Variants in ZBTB20 observed in about 807,000 individuals in gnomAD.
The protein encoded by ZBTB20 is zinc finger and BTB domain containing 20.
In ZBTB20, 9 loss-of-function variants were observed where a neutral mutation model predicts 56.9. The ratio of observed to expected loss-of-function variants is 0.16; its 90% CI spans 0.10 to 0.28. ZBTB20 has a LOEUF of 0.28. Ranked by LOEUF, ZBTB20 falls within the 10% of genes least tolerant of loss-of-function variation. The pLI, the probability that ZBTB20 is intolerant of heterozygous loss-of-function variation, is 1.00. For missense variants in ZBTB20, 655 were observed against 1,003.0 expected (o/e 0.65, Z 4.69); for synonymous variants, 417 against 420.7 (o/e 0.99, Z 0.11).
chr3:114,429,403 C>A (rs962755368), intron 7 of ZBTB20, among the ~76,000 whole-genome samples: 1 of 152,140 alleles, frequency 6.6e-6, no homozygotes, highest in Non-Finnish European at 1.5e-5. Flanking sequence ...GTTTCTGGTA[C>A]CCCACATCTA....
chr3:114,580,154 T>C (rs1379748419), intron 6 of ZBTB20, among the ~76,000 whole-genome samples: 1 of 151,606 alleles, frequency 6.6e-6, no homozygotes, highest in Non-Finnish European at 1.5e-5. Context: ...GATTAAAAAA[T>C]ACACCAAGAG....
chr3:115,015,591 C>G (rs1490791756), intron 2 of ZBTB20, among the ~76,000 whole-genome samples: 1 of 151,762 alleles, frequency 6.6e-6, no homozygotes, highest in African/African-American at 2.4e-5. Context: ...GTTCCTCTAT[C>G]AGTTTGCTGA....
At chr3:114,765,028 T>C (rs530907236) in intron 5 of ZBTB20, among the ~76,000 whole-genome samples, 2 of 152,216 alleles carry the variant, frequency 1.3e-5, no homozygotes, top group African/African-American at 4.8e-5. Flanking sequence ...GAAAGTACAA[T>C]GATATCTGTA....
At chr3:114,645,630 C>T (rs2059795109) in intron 6 of ZBTB20, among the ~76,000 whole-genome samples, 2 of 152,040 alleles carry the variant, frequency 1.3e-5, no homozygotes, top group South Asian at 2.1e-4. Flanking sequence ...GGATTTTTCC[C>T]CCAGTGCCTC....
At chr3:115,085,908 A>C (rs2082968454) in intron 1 of ZBTB20, among the ~76,000 whole-genome samples, 2 of 151,922 alleles carry the variant, frequency 1.3e-5, no homozygotes, top group Non-Finnish European at 2.9e-5. Context: ...CAATTAATGT[A>C]ATCCCATCTC....
chr3:114,399,774 T>C (rs2086658001), intron 7 of ZBTB20, among the ~76,000 whole-genome samples: 1 of 152,004 alleles, frequency 6.6e-6, no homozygotes, highest in Admixed American at 6.6e-5. Flanking sequence ...AATAAATAGT[T>C]TACTTTTATG....
At chr3:114,488,494 G>A (rs2109466823) in intron 7 of ZBTB20, among the ~76,000 whole-genome samples, 1 of 152,120 alleles carries the variant, frequency 6.6e-6, no homozygotes, top group South Asian at 2.1e-4. Context: ...TTTTTAAAAA[G>A]TTTTCAGGCT....
chr3:114,444,823 A>T (rs1442851977), intron 7 of ZBTB20, among the ~76,000 whole-genome samples: 1 of 152,140 alleles, frequency 6.6e-6, no homozygotes, highest in Non-Finnish European at 1.5e-5. Flanking sequence ...TAGTACCATT[A>T]GTCCAGATAA....
At chr3:114,459,081 G>A (rs2092196138) in intron 7 of ZBTB20, among the ~76,000 whole-genome samples, 1 of 152,134 alleles carries the variant, frequency 6.6e-6, no homozygotes, top group African/African-American at 2.4e-5. Flanking sequence ...ATGCAGGAAG[G>A]TTTCTAGATC....
intron 1 of ZBTB20, among the ~76,000 whole-genome samples, chr3:115,132,758 C>T (rs529340628): frequency 2.0e-5 from 3 of 151,890 alleles, no homozygotes; most frequent in African/African-American, 7.2e-5. Flanking sequence ...AAGTGAGATC[C>T]TGTCTCAAAA....
In ZBTB20 at chr3:114,350,792, C is replaced by T; in HGVS notation, c.1286G>A (p.Gly429Asp). Residue 429 changes from glycine (G) to aspartate (D), a missense_variant, in exon 11 of 12, where the codon GGT becomes GAT. By Grantham distance (94) the Gly-to-Asp change is moderately conservative (BLOSUM62 -1). This residue lies in a region of ZBTB20 where 156 missense variants were observed against 181.0 expected (regional missense o/e 0.86). Coordinates refer to ENST00000675478, the MANE Select transcript of ZBTB20 (RefSeq NM_001348800.3). The part of the protein sequence containing the change: ...GGPQTNQLET[G>D]ASSPERSNEV... ...ATTGCTTCTCTCCGGAGAGGAAGCA[C>T]CTGTTTCTAGCTGGTTTGTCTGCGG... The T allele has an allele frequency of 6.2e-7, 1 of 1,614,070 alleles. No homozygotes were observed. The highest frequency in any genetic ancestry group is 8.5e-7 in the Non-Finnish European group (1 of 1,180,014).
intron 4 of ZBTB20, among the ~76,000 whole-genome samples, chr3:114,851,675 CTT>C (rs1412008516): frequency 2.6e-5 from 4 of 151,832 alleles, no homozygotes; most frequent in Non-Finnish European, 4.4e-5. Flanking sequence ...TAACTTCTGA[CTT>C]TATTTTTTTA....
In ZBTB20 at chr3:114,326,747, T is replaced by C. The variant is rs2079077617; in HGVS notation, c.*12258A>G. The stretch of plus-strand genomic sequence containing the variant: ...TAGATAGCAAACAACTGTTTGAATG[T>C]GTGAAAGTATTATCCCTTTGCTCTA... On this transcript the variant is annotated 3_prime_UTR_variant, in exon 12 of 12. Coordinates refer to ENST00000675478, the MANE Select transcript of ZBTB20 (RefSeq NM_001348800.3). 6.6e-6 allele frequency: 1 copy of C among 152,218 alleles called. No homozygotes were observed. Among genetic ancestry groups the C allele is most frequent in the Non-Finnish European group, 1.5e-5 (1 of 68,032 alleles). The allele number at this position is 152,218 out of a possible 1,614,324, so 9.4% of individuals were successfully genotyped here.
intron 4 of ZBTB20, among the ~76,000 whole-genome samples, chr3:114,826,587 T>C (rs1452494841): frequency 1.3e-5 from 2 of 151,736 alleles, no homozygotes; most frequent in Non-Finnish European, 3.0e-5. Flanking sequence ...TTATCAGTAA[T>C]TCTAGAATAT....
chr3:114,707,763 G>A (rs1463563814), intron 5 of ZBTB20, among the ~76,000 whole-genome samples: 1 of 152,154 alleles, frequency 6.6e-6, no homozygotes, highest in East Asian at 1.9e-4. Context: ...TTATTCTGGA[G>A]TTAAAACAGG....
intron 4 of ZBTB20, among the ~76,000 whole-genome samples, chr3:114,827,161 T>C (rs1214596362): frequency 6.6e-6 from 1 of 151,794 alleles, no homozygotes; most frequent in African/African-American, 2.4e-5. Context: ...CTCACAGCTT[T>C]AACTAACTTA....
At chr3:115,059,661 AT>A (rs2081946699) in intron 2 of ZBTB20, among the ~76,000 whole-genome samples, 1 of 152,146 alleles carries the variant, frequency 6.6e-6, no homozygotes, top group South Asian at 2.1e-4. Context: ...TTCCTCCGGT[AT>A]TCTACCTGCA....
chr3:115,134,967 AC>A (rs1165479522), intron 1 of ZBTB20, among the ~76,000 whole-genome samples: 3 of 152,202 alleles, frequency 2.0e-5, no homozygotes, highest in African/African-American at 7.2e-5. Flanking sequence ...AGAGGACTCC[AC>A]CAGGACATTC....
At chr3:114,980,466 T>C (rs1375052406) in intron 2 of ZBTB20, among the ~76,000 whole-genome samples, 5 of 151,950 alleles carry the variant, frequency 3.3e-5, no homozygotes, top group Non-Finnish European at 7.4e-5. Flanking sequence ...AAGGTAAATA[T>C]GCACTTAAAC....
Sources: gnomAD v4.1 joint callset for allele counts (sites outside exome capture counted in the v4.1 genomes callset) on GRCh38, gnomAD v4.1.1 for gene constraint, gnomAD v4.1.1 regional missense constraint, MANE v1.5 for transcripts, NCBI Gene and HGNC (gene_info 2026-07-23, HGNC 2026-07-21) for gene names.